USP34: variants seen among roughly 807,000 people sequenced by gnomAD.
USP34 encodes ubiquitin carboxyl-terminal hydrolase 34.
Under a neutral mutation model 460.3 loss-of-function variants are expected in USP34, and 70 were observed. The ratio of observed to expected loss-of-function variants is 0.15; its 90% confidence interval spans 0.13 to 0.19. The LOEUF is 0.19. Ranked by LOEUF, USP34 falls within the 10% of genes least tolerant of loss-of-function variation. The pLI is 1.00. For synonymous variants in USP34, 1,647 were observed against 1,405.3 expected, an observed-to-expected ratio of 1.17 and a Z score of -3.85; for missense variants, 3,985 against 4,236.2, an observed-to-expected ratio of 0.94 and a Z score of 1.65.
Position 61,460,667 on chromosome 2 carries a change from T to C in USP34, c.43+9983A>G, listed in dbSNP as rs1695572293. On this transcript the variant is annotated intron_variant, in intron 1 of 79. Coordinates refer to ENST00000398571, the MANE Select transcript of USP34 (RefSeq NM_014709.4). ...ATACCCTTTTTCTCCTCAAAAGAAA[T>C]CTTACATAGAATTTCGATTCATAAA... Among the ~76,000 whole-genome samples the C allele has an allele frequency of 3.3e-5, 5 of 151,964 alleles. No individual in the cohort carries two copies. In the South Asian group the frequency reaches 1.0e-3, roughly 32 times the overall value.
intron 10 of USP34, among the ~76,000 whole-genome samples, chr2:61,363,556 A>T (rs1276163725): frequency 1.3e-5 from 2 of 152,254 alleles, no homozygotes; most frequent in Non-Finnish European, 2.9e-5. Context: ...TAACACAGAA[A>T]AAGTAATTTG....
rs980263875 is a variant in USP34, at chr2:61,313,832, A to G, written c.3542+753T>C. Among the ~76,000 whole-genome samples, 62 of 152,210 alleles carry G rather than the reference A, an allele frequency of 4.1e-4. 1 individual carries two copies. The highest frequency in any genetic ancestry group is 1.4e-3 in the African/African-American group (59 of 41,554). ...TATCTTTACTATGCAATCTTTCTTG[A>G]TATTTTAAAAATGTCAATAAATATC... On this transcript the variant is annotated intron_variant, in intron 25 of 79. Transcript: ENST00000398571.
intron 58 of USP34, among the ~76,000 whole-genome samples, chr2:61,232,173 A>C (rs187217298): frequency 2.6e-5 from 4 of 152,172 alleles, no homozygotes; most frequent in Admixed American, 2.0e-4. Flanking sequence ...AAAGCATCTA[A>C]TAATAAAGAG....
Position 61,219,605 on chromosome 2 carries a change from A to G in USP34, c.8047+705T>C, listed in dbSNP as rs1687499686. Among the ~76,000 whole-genome samples, 7 of 150,958 alleles carry G rather than the reference A, an allele frequency of 4.6e-5. No individual in the cohort carries two copies. The South Asian group carries it at 1.5e-3, about 32-fold the overall frequency. ...AGAATCAGTTGAATTCAACAGGCAG[A>G]GGTTGCAGTGTGCTGAGACTGCACC... is the stretch of plus-strand genomic sequence containing the variant. On this transcript the variant is annotated intron_variant, in intron 67 of 79. Transcript: ENST00000398571.
intron 68 of USP34, among the ~76,000 whole-genome samples, chr2:61,212,282 G>C (rs573126646): frequency 1.3e-5 from 2 of 152,220 alleles, no homozygotes; most frequent in African/African-American, 2.4e-5. Flanking sequence ...AGTTTAGAAA[G>C]AGTAAAAACT....
chr2:61,379,957 T>C (rs1692924074), intron 7 of USP34, among the ~76,000 whole-genome samples: 2 of 152,230 alleles, frequency 1.3e-5, no homozygotes, highest in Non-Finnish European at 2.9e-5. Context: ...GGAAATCAAA[T>C]GGACCCACAG....
At chr2:61,378,261 G>T (rs1360161871) in intron 8 of USP34, 102 bp downstream of exon 8, 2 of 843,648 alleles carry the variant, frequency 2.4e-6, no homozygotes, top group Admixed American at 2.8e-5. Context: ...AAAGGGCAAA[G>T]AATTTCTAGT....
At chr2:61,215,913 T>A (rs1021165934) in intron 67 of USP34, among the ~76,000 whole-genome samples, 21 of 152,128 alleles carry the variant, frequency 1.4e-4, no homozygotes, top group African/African-American at 4.8e-4. Context: ...ATCCAGCCAA[T>A]CAGATTCACA....
intron 19 of USP34, among the ~76,000 whole-genome samples, chr2:61,332,162 G>T (rs1691289596): frequency 6.6e-6 from 1 of 152,056 alleles, no homozygotes; most frequent in African/African-American, 2.4e-5. Flanking sequence ...CTGTCTTGTG[G>T]AAGTCTGTTT....
At chr2:61,364,820 C>T (rs1692381625) in intron 10 of USP34, among the ~76,000 whole-genome samples, 2 of 152,040 alleles carry the variant, frequency 1.3e-5, no homozygotes, top group Admixed American at 1.3e-4. Flanking sequence ...ATCCCAGCTA[C>T]TCGGGAGGCT....
At chr2:61,345,290 T>C (rs1691733806) in intron 15 of USP34, among the ~76,000 whole-genome samples, 1 of 150,494 alleles carries the variant, frequency 6.6e-6, no homozygotes, top group Non-Finnish European at 1.5e-5. Flanking sequence ...AAAAAAAAAT[T>C]GTAATTATCT....
intron 27 of USP34, among the ~76,000 whole-genome samples, chr2:61,307,770 G>A (rs1374050145): frequency 6.6e-6 from 1 of 152,114 alleles, no homozygotes; most frequent in Non-Finnish European, 1.5e-5. Context: ...TGAAAAGGCC[G>A]GGCGCAGTGG....
At chr2:61,224,638 T>C (rs1355765671) in intron 62 of USP34, among the ~76,000 whole-genome samples, 1 of 152,244 alleles carries the variant, frequency 6.6e-6, no homozygotes, top group African/African-American at 2.4e-5. Flanking sequence ...GAATAAATGC[T>C]TGATACTGTT....
intron 5 of USP34, among the ~76,000 whole-genome samples, chr2:61,389,215 C>G (rs1481205275): frequency 1.3e-5 from 2 of 152,042 alleles, no homozygotes; most frequent in Admixed American, 1.3e-4. Context: ...CCTGAGGACT[C>G]ATAAGGTAGG....
At chr2:61,374,177 A>C (rs766385682) in intron 8 of USP34, among the ~76,000 whole-genome samples, 2 of 151,322 alleles carry the variant, frequency 1.3e-5, no homozygotes, top group Non-Finnish European at 2.9e-5. Context: ...AAAAAAAAAA[A>C]ACAGAGAAAA....
rs367798437 is a variant in USP34, at chr2:61,300,911, G to C, written c.4128+40C>G. The C allele has an allele frequency of 5.2e-5, 74 of 1,414,032 alleles. No individual in the cohort carries two copies. In the South Asian group the frequency reaches 7.8e-4, roughly 15 times the overall value. The allele number at this position is 1,414,032 out of a possible 1,614,324, so 87.6% of individuals were successfully genotyped here. On this transcript the variant is annotated intron_variant, in intron 29 of 79. Transcript: ENST00000398571. Reference sequence around the variant, plus strand: ...TTAAAGTTACTATATCCTCTCAACAGAGACACAAAACAAGATTTGTGAAAA... The same window carrying C: ...TTAAAGTTACTATATCCTCTCAACACAGACACAAAACAAGATTTGTGAAAA...
intron 10 of USP34, among the ~76,000 whole-genome samples, chr2:61,357,565 A>T (rs979103592): frequency 1.3e-5 from 2 of 152,204 alleles, no homozygotes; most frequent in East Asian, 3.8e-4. Context: ...AGTAGAAGGA[A>T]GAAAATGATT....
intron 3 of USP34, among the ~76,000 whole-genome samples, chr2:61,395,852 G>C (rs1693506812): frequency 6.7e-6 from 1 of 149,908 alleles, no homozygotes; most frequent in Non-Finnish European, 1.5e-5. Flanking sequence ...GATCACCTGA[G>C]GTCAGGAGAT....
intron 21 of USP34, among the ~76,000 whole-genome samples, chr2:61,320,847 T>C (rs1317674503): frequency 1.3e-5 from 2 of 151,976 alleles, no homozygotes; most frequent in African/African-American, 4.8e-5. Flanking sequence ...CCGTCTCTAC[T>C]AAAAATACAA....
Sources: gnomAD v4.1 joint callset for allele counts (sites outside exome capture counted in the v4.1 genomes callset) on GRCh38, gnomAD v4.1.1 for gene constraint, MANE v1.5 for transcripts, NCBI Gene and HGNC (gene_info 2026-07-23, HGNC 2026-07-21) for gene names.